Variants in IFT172 observed in about 807,000 individuals in gnomAD.
IFT172 encodes intraflagellar transport 172.
IFT172 carries 164 observed loss-of-function variants against 248.9 expected under a neutral mutation model. The ratio of observed to expected loss-of-function variants is 0.66; its 90% CI spans 0.58 to 0.75. IFT172 has a LOEUF of 0.75. Ranked by LOEUF, IFT172 falls within the 30% of genes least tolerant of loss-of-function variation. The pLI, the probability that IFT172 is intolerant of heterozygous loss-of-function variation, is 0.00. For synonymous variants in IFT172, 729 were observed against 791.6 expected (o/e 0.92, Z 1.33); for missense variants, 1,950 against 2,192.4 (o/e 0.89, Z 2.21).
chr2:27,448,624 T>G (rs1437091024), intron 40 of IFT172, among the ~76,000 whole-genome samples: 1 of 152,128 alleles, frequency 6.6e-6, no homozygotes, highest in African/African-American at 2.4e-5. Flanking sequence ...TAGAGGTGTA[T>G]GCAGGATTCA....
intron 14 of IFT172, among the ~76,000 whole-genome samples, chr2:27,473,221 T>A (rs1667703442): frequency 6.7e-6 from 1 of 149,882 alleles, no homozygotes; most frequent in Non-Finnish European, 1.5e-5. Context: ...ACAAAAAAAA[T>A]TAGCTGGGCG....
chr2:27,467,384 GA>G (rs1343812810), intron 16 of IFT172, among the ~76,000 whole-genome samples: 9 of 113,356 alleles, frequency 7.9e-5, no homozygotes, highest in Non-Finnish European at 1.5e-4. Context: ...ACCAGCCTGG[GA>G]AACACAGTGA....
At chr2:27,461,191 T>G in intron 22 of IFT172, 78 bp downstream of exon 22, 1 of 1,612,650 alleles carries the variant, frequency 6.2e-7, no homozygotes, top group Non-Finnish European at 8.5e-7. Flanking sequence ...GGAAGCGCTC[T>G]GCACCCCAAG....
intron 23 of IFT172, among the ~76,000 whole-genome samples, chr2:27,460,660 T>C (rs1458426453): frequency 1.3e-5 from 1 of 75,874 alleles, no homozygotes; most frequent in African/African-American, 5.4e-5. Context: ...ATCCTTTACA[T>C]TGTCTATGAT....
rs1225329843 is a variant in IFT172 at position 27,485,320 on chromosome 2, T to C, written c.183+40A>G. ...ACGTCTTTCAAGTTGTGAGACCCCA[T>C]CAATAGGTTAAATAAGGTACACATG... On this transcript the variant is annotated intron_variant, in intron 2 of 47. Coordinates refer to ENST00000260570, the MANE Select transcript of IFT172 (RefSeq NM_015662.3). 2.5e-6 allele frequency: 4 copies of C among 1,612,144 alleles called. No individual in the cohort carries two copies. The East Asian group carries it at 8.9e-5, about 36-fold the overall frequency.
At chr2:27,450,457 A>G (rs1665556634) in intron 35 of IFT172, among the ~76,000 whole-genome samples, 1 of 152,208 alleles carries the variant, frequency 6.6e-6, no homozygotes, top group South Asian at 2.1e-4. Flanking sequence ...AGTCCAGGGC[A>G]TTCTGTAACT....
intron 16 of IFT172, among the ~76,000 whole-genome samples, chr2:27,466,813 A>G (rs1263248531): frequency 2.6e-5 from 4 of 151,980 alleles, no homozygotes; most frequent in Non-Finnish European, 5.9e-5. Flanking sequence ...GGAGTTCAAG[A>G]CCAGCCTGGG....
intron 1 of IFT172, among the ~76,000 whole-genome samples, chr2:27,486,629 G>C (rs907268717): frequency 3.9e-5 from 6 of 152,184 alleles, no homozygotes; most frequent in African/African-American, 1.4e-4. Flanking sequence ...CCAGAAAATA[G>C]CCACACCACC....
At chr2:27,470,323 GAAAA>G (rs753840371) in intron 16 of IFT172, among the ~76,000 whole-genome samples, 3 of 151,368 alleles carry the variant, frequency 2.0e-5, no homozygotes, top group Non-Finnish European at 2.9e-5. Flanking sequence ...GAAAGAGAAA[GAAAA>G]AGAAAGAAAG....
chr2:27,455,795 G>A (rs550894556), intron 30 of IFT172: 60 of 480,814 alleles, frequency 1.2e-4, no homozygotes, highest in South Asian at 9.1e-4. Context: ...ACCTCAGTTG[G>A]CATCATGGAC....
chr2:27,452,461 C>T (rs1291789601), intron 35 of IFT172, among the ~76,000 whole-genome samples: 1 of 152,174 alleles, frequency 6.6e-6, no homozygotes, highest in Non-Finnish European at 1.5e-5. Context: ...TATACATGTA[C>T]ACACATATAC....
intron 16 of IFT172, among the ~76,000 whole-genome samples, chr2:27,469,137 T>C (rs1667353932): frequency 6.6e-6 from 1 of 152,220 alleles, no homozygotes; most frequent in Admixed American, 6.5e-5. Context: ...CTCATGTCTG[T>C]AATCCCAGCA....
At chr2:27,455,365 G>C (rs748889414) in intron 30 of IFT172, 1 of 301,928 alleles carries the variant, frequency 3.3e-6, no homozygotes, top group Admixed American at 4.4e-5. Flanking sequence ...GGCTAAACAA[G>C]TGTAGAGTGA....
chr2:27,454,693 C>G lies in IFT172; in HGVS notation c.3372-33G>C. 1.3e-6 allele frequency: 2 copies of G among 1,569,410 alleles called. No individual in the cohort carries two copies. The highest frequency in any genetic ancestry group is 2.2e-5 in the South Asian group (2 of 90,004). Reference sequence around the variant, plus strand: ...AGAAAGTGCAGATAAAGTTTTCTTGCTTCATGCTTCCCTTCATAAAAGGAA... The same window carrying G: ...AGAAAGTGCAGATAAAGTTTTCTTGGTTCATGCTTCCCTTCATAAAAGGAA... On this transcript the variant is annotated intron_variant, in intron 30 of 47. Transcript: ENST00000260570. The surrounding 1 kb of genome is among the most constrained non-coding windows in gnomAD (Gnocchi z 4.2).
chr2:27,466,152 A>G, intron 16 of IFT172: 1 of 438,516 alleles, frequency 2.3e-6, no homozygotes, highest in South Asian at 3.2e-5. Flanking sequence ...CCATAAGAGT[A>G]AGATATTCTT....
In IFT172 at chr2:27,462,230, C is replaced by T. The variant is rs968670517; in HGVS notation, c.2116-394G>A. Among the ~76,000 whole-genome samples, 3 of 152,096 alleles carry T rather than the reference C, an allele frequency of 2.0e-5. No homozygotes were observed. In the East Asian group the frequency reaches 5.8e-4, roughly 29 times the overall value. ...TGTATTTTTAGTAGAGATGGGGTTT[C>T]ACCATGTGGCCAGGCTGGTCTTGAA... On this transcript the variant is annotated intron_variant, in intron 20 of 47. Transcript: ENST00000260570.
rs749711759 is a variant in IFT172 at position 27,479,496 on chromosome 2, C to A, written c.1005+13G>T. ...CGCAAGTTCTCAGTGCAGTAGGCTA[C>A]CATCCTGCTTACCTGGCTAGGTCCC... On this transcript the variant is annotated intron_variant, in intron 10 of 47. Transcript: ENST00000260570. 6.0e-6 allele frequency: 9 copies of A among 1,490,514 alleles called. No individual in the cohort carries two copies. The highest frequency in any genetic ancestry group is 1.7e-5 in the Admixed American group (1 of 59,826). The allele number at this position is 1,490,514 out of a possible 1,614,324, so 92.3% of individuals were successfully genotyped here. A position where few individuals can be genotyped will look rare whatever the true frequency, so the allele number is the denominator to read the frequency against.
Position 27,483,562 on chromosome 2 carries a change from C to G in IFT172, c.482+18G>C. Reference sequence around the variant, plus strand: ...CTAACACTTCCAGACTCTAGTGATACTACTCCTCTTTACTCACTTTGTTGT... The same window carrying G: ...CTAACACTTCCAGACTCTAGTGATAGTACTCCTCTTTACTCACTTTGTTGT... On this transcript the variant is annotated intron_variant, in intron 6 of 47. Coordinates refer to ENST00000260570, the MANE Select transcript of IFT172 (RefSeq NM_015662.3). 6.2e-7 allele frequency: 1 copy of G among 1,611,568 alleles called. No homozygotes were observed. The highest frequency in any genetic ancestry group is 8.5e-7 in the Non-Finnish European group (1 of 1,177,896).
At chr2:27,459,257 G>T in intron 25 of IFT172, 121 bp downstream of exon 25, 1 of 1,247,226 alleles carries the variant, frequency 8.0e-7, no homozygotes, top group Non-Finnish European at 1.1e-6. Context: ...TCAAGGTGAT[G>T]ATGCTGTTTG....
Sources: gnomAD v4.1 joint callset for allele counts (sites outside exome capture counted in the v4.1 genomes callset) on GRCh38, gnomAD v4.1.1 for gene constraint, Gnocchi (gnomAD v3.1) non-coding constraint, MANE v1.5 for transcripts, NCBI Gene and HGNC (gene_info 2026-07-23, HGNC 2026-07-21) for gene names.